Variants in LINGO2 observed in about 807,000 individuals in gnomAD.
The protein encoded by LINGO2 is leucine rich repeat and Ig domain containing 2, also known as leucine-rich repeat and immunoglobulin-like domain-containing nogo receptor-interacting protein 2.
In LINGO2, 14 loss-of-function variants were observed where a neutral mutation model predicts 30.6. That is an observed-to-expected ratio of 0.46 (90% confidence interval 0.30 to 0.72). The LOEUF (loss-of-function observed/expected upper bound fraction) is 0.72, where lower values mean the gene tolerates loss of function less well. Among genes scored for constraint, LINGO2 ranks in the 30% least tolerant of loss-of-function variants. The pLI, the probability that LINGO2 is intolerant of heterozygous loss-of-function variation, is 0.07. For synonymous variants in LINGO2, 317 were observed against 288.5 expected (o/e 1.10, Z -1.00); for missense variants, 729 against 751.7 (o/e 0.97, Z 0.35).
At chr9:29,141,757 T>C in the LINGO2 span, among the ~76,000 whole-genome samples, 1 of 151,808 alleles carries the variant, frequency 6.6e-6, no homozygotes, top group Admixed American at 6.6e-5. Context: ...TGACCTTGCT[T>C]ATATCAGACA....
At chr9:28,117,858 T>A (rs1044842654) in intron 4 of LINGO2, among the ~76,000 whole-genome samples, 8 of 152,012 alleles carry the variant, frequency 5.3e-5, no homozygotes, top group South Asian at 4.1e-4. Flanking sequence ...GAAATGCAGA[T>A]ATCACCCCCA....
At position 28,085,813 on chromosome 9, in the gene LINGO2, G is replaced by T. The variant is rs116477991; in HGVS notation, c.-86-73408C>A. ...AATAGTGTGTGGTTAACACATGAAG[G>T]GAGGCAAAGAAAGGGACGCTGGTGA... On this transcript the variant is annotated intron_variant, in intron 4 of 5. Coordinates refer to ENST00000379992, the Ensembl canonical transcript of LINGO2. Among the ~76,000 whole-genome samples, 448 of 152,168 alleles carry T rather than the reference G, an allele frequency of 2.9e-3. 3 individuals carry two copies. Among genetic ancestry groups the T allele is most frequent in the African/African-American group, 9.8e-3 (408 of 41,532 alleles).
At chr9:28,065,956 A>C (rs1006721839) in intron 4 of LINGO2, among the ~76,000 whole-genome samples, 3 of 152,072 alleles carry the variant, frequency 2.0e-5, no homozygotes, top group Non-Finnish European at 4.4e-5. Context: ...ACACACATGC[A>C]TATAATGTTC....
At chr9:28,034,329 G>T (rs144668282) in intron 4 of LINGO2, among the ~76,000 whole-genome samples, 1,559 of 152,320 alleles carry the variant, frequency 0.01, 11 homozygotes, top group Middle Eastern at 0.024. Flanking sequence ...TCTGCTTTGT[G>T]ATCTTGTTCC....
At chr9:28,054,281 A>AC (rs1464166852) in intron 4 of LINGO2, among the ~76,000 whole-genome samples, 1 of 152,096 alleles carries the variant, frequency 6.6e-6, no homozygotes, top group Non-Finnish European at 1.5e-5. Context: ...ACTCAGTTCA[A>AC]CCAGCAGGAG....
the LINGO2 span, among the ~76,000 whole-genome samples, chr9:29,130,105 T>C: frequency 2.0e-5 from 3 of 152,120 alleles, no homozygotes; most frequent in African/African-American, 7.2e-5. Flanking sequence ...AAAGTAATTG[T>C]AAAAGAAATT....
chr9:29,180,322 T>TTA, the LINGO2 span, among the ~76,000 whole-genome samples: 1 of 152,200 alleles, frequency 6.6e-6, no homozygotes, highest in Non-Finnish European at 1.5e-5. Flanking sequence ...ATCTATTAGA[T>TTA]TTTAGACCCT....
At chr9:28,156,611 G>T (rs1461248199) in intron 4 of LINGO2, among the ~76,000 whole-genome samples, 1 of 152,188 alleles carries the variant, frequency 6.6e-6, no homozygotes, top group African/African-American at 2.4e-5. Context: ...ACTCATTTCA[G>T]CATTAACTCA....
At chr9:28,721,607 A>G in the LINGO2 span, among the ~76,000 whole-genome samples, 1 of 152,128 alleles carries the variant, frequency 6.6e-6, no homozygotes, top group Non-Finnish European at 1.5e-5. Flanking sequence ...GAAGTTGAAC[A>G]ATGAGAACAC....
chr9:28,990,691 C>T, the LINGO2 span, among the ~76,000 whole-genome samples: 3,215 of 152,210 alleles, frequency 0.021, 97 homozygotes, highest in African/African-American at 0.072. Context: ...GCAGCATTCG[C>T]GGTTCACGAA....
chr9:29,131,763 A>C, the LINGO2 span, among the ~76,000 whole-genome samples: 2 of 151,954 alleles, frequency 1.3e-5, no homozygotes, highest in Non-Finnish European at 1.5e-5. Context: ...GTTACCCAAA[A>C]TGCATCATAT....
At chr9:28,682,140 T>G in the LINGO2 span, among the ~76,000 whole-genome samples, 1 of 152,190 alleles carries the variant, frequency 6.6e-6, no homozygotes, top group Non-Finnish European at 1.5e-5. Flanking sequence ...TTGCTGATTC[T>G]TGATCCTATA....
intron 4 of LINGO2, among the ~76,000 whole-genome samples, chr9:28,101,675 C>T (rs1826420110): frequency 6.6e-6 from 1 of 152,134 alleles, no homozygotes; most frequent in Admixed American, 6.6e-5. Flanking sequence ...ATATTTGTCT[C>T]TGGGAGAGTT....
chr9:28,897,860 CCCA>C, the LINGO2 span, among the ~76,000 whole-genome samples: 1 of 151,944 alleles, frequency 6.6e-6, no homozygotes, highest in African/African-American at 2.4e-5. Context: ...TTAAAAGTTT[CCCA>C]TAATAGATAG....
At chr9:28,000,641 A>G (rs1312515872) in intron 5 of LINGO2, among the ~76,000 whole-genome samples, 1 of 152,232 alleles carries the variant, frequency 6.6e-6, no homozygotes, top group Non-Finnish European at 1.5e-5. Context: ...CAGTATCTGA[A>G]TGTCTGACAC....
the LINGO2 span, among the ~76,000 whole-genome samples, chr9:29,013,487 AC>A: frequency 6.6e-6 from 1 of 152,098 alleles, no homozygotes; most frequent in South Asian, 2.1e-4. Context: ...AATGTAAAGA[AC>A]CCTAAAATGT....
At chr9:28,416,387 C>G (rs1055249874) in intron 2 of LINGO2, among the ~76,000 whole-genome samples, 12 of 152,130 alleles carry the variant, frequency 7.9e-5, no homozygotes, top group African/African-American at 2.9e-4. Context: ...ATTTAAAGCA[C>G]TCACACACAC....
chr9:28,765,994 G>C, the LINGO2 span, among the ~76,000 whole-genome samples: 1 of 151,886 alleles, frequency 6.6e-6, no homozygotes, highest in East Asian at 1.9e-4. Context: ...ACTGTAAAAA[G>C]CCTTAAAAAA....
In LINGO2 at chr9:28,039,796, C is replaced by G. The variant is rs376342448; in HGVS notation, c.-86-27391G>C. ...TTAAAATTCTGTTCCTTAATAGACACAAATGCCAGTGCCTCCCTTACGTGG... is the reference window on the plus strand; with the variant it reads ...TTAAAATTCTGTTCCTTAATAGACAGAAATGCCAGTGCCTCCCTTACGTGG... On this transcript the variant is annotated intron_variant, in intron 4 of 5. Transcript: ENST00000379992. Among the ~76,000 whole-genome samples the G allele has an allele frequency of 1.1e-3, 166 of 152,316 alleles. 1 individual carries two copies. The highest frequency in any genetic ancestry group is 3.9e-3 in the African/African-American group (163 of 41,564).
Sources: gnomAD v4.1 joint callset for allele counts (sites outside exome capture counted in the v4.1 genomes callset) on GRCh38, gnomAD v4.1.1 for gene constraint, MANE v1.5 for transcripts, NCBI Gene and HGNC (gene_info 2026-07-23, HGNC 2026-07-21) for gene names.